SIN3A: variants seen among roughly 807,000 people sequenced by gnomAD.
The protein encoded by SIN3A is paired amphipathic helix protein Sin3a.
SIN3A carries 14 observed loss-of-function variants against 146.1 expected under a neutral mutation model. The observed-to-expected ratio is 0.10, with a 90% confidence interval of 0.06 to 0.15. SIN3A has a LOEUF of 0.15. SIN3A is among the 10% of genes least tolerant of loss of function. SIN3A has a pLI of 1.00. For synonymous variants in SIN3A, 572 were observed against 572.0 expected, an observed-to-expected ratio of 1.00 and a Z score of 0.00; for missense variants, 1,028 against 1,576.0, an observed-to-expected ratio of 0.65 and a Z score of 5.89.
chr15:75,412,029 T>C (rs1420414897), intron 5 of SIN3A, among the ~76,000 whole-genome samples: 2 of 152,258 alleles, frequency 1.3e-5, no homozygotes, highest in Non-Finnish European at 2.9e-5. Flanking sequence ...TTTAGCTTAG[T>C]AGCTCAACAA....
intron 6 of SIN3A, among the ~76,000 whole-genome samples, 169 bp from the exon 7 acceptor site, chr15:75,410,455 T>G (rs776495394): frequency 1.3e-5 from 2 of 151,760 alleles, no homozygotes; most frequent in Non-Finnish European, 2.9e-5. Context: ...AAAAAAAAAG[T>G]TGAAGATGGT....
rs1446694377 is a variant in SIN3A at position 75,371,502 on chromosome 15, T to A, written c.*477A>T. ...CAGAAAAAAAAAATCAAATCCAGCT[T>A]TTTTTTCCTTTTGTGGGGAGGGGAG... On this transcript the variant is annotated 3_prime_UTR_variant, in exon 21 of 21. Transcript: ENST00000394947. 6.5e-6 allele frequency: 1 copy of A among 154,660 alleles called. No homozygotes were observed. Among genetic ancestry groups the A allele is most frequent in the Admixed American group, 6.5e-5 (1 of 15,350 alleles). The allele number at this position is 154,660 out of a possible 1,614,324, so 9.6% of individuals were successfully genotyped here.
chr15:75,379,297 G>C (rs898651000), intron 19 of SIN3A, among the ~76,000 whole-genome samples: 1 of 152,120 alleles, frequency 6.6e-6, no homozygotes, highest in African/African-American at 2.4e-5. Flanking sequence ...ATAAACAAAA[G>C]CTTTTTGGAG....
Position 75,446,882 on chromosome 15 carries a change from C to T in SIN3A, c.-34+4541G>A, listed in dbSNP as rs577038611. On this transcript the variant is annotated intron_variant, in intron 1 of 20. Coordinates refer to ENST00000394947, the MANE Select transcript of SIN3A (RefSeq NM_001145358.2). The stretch of plus-strand genomic sequence containing the variant: ...CACCTCCCGGGTTCACACCATTCTC[C>T]TGCCTCAACCTCCCGAGTAGCTGGG... Among the ~76,000 whole-genome samples, 6 of 152,298 alleles carry T rather than the reference C, an allele frequency of 3.9e-5. No homozygotes were observed. The South Asian group carries it at 1.0e-3, about 26-fold the overall frequency.
At position 75,407,051 on chromosome 15, in the gene SIN3A, T is replaced by C. The variant is rs1303687232; in HGVS notation, c.1407+4A>G. ...CTATCAAATCTAACTCATCCATTACTCACCTTATCAAAAAATAACGATTCT... is the reference window on the plus strand; with the variant it reads ...CTATCAAATCTAACTCATCCATTACCCACCTTATCAAAAAATAACGATTCT... On this transcript the variant is annotated splice_donor_region_variant and intron_variant, in intron 9 of 20. Transcript: ENST00000394947. 9 of 1,594,276 alleles carry C rather than the reference T, an allele frequency of 5.6e-6. No individual in the cohort carries two copies. In the Middle Eastern group the frequency reaches 5.0e-4, roughly 89 times the overall value.
rs1303102733 is a variant in SIN3A at position 75,430,353 on chromosome 15, T to A, written c.23A>T (p.Gln8Leu). MKRRLDD[Q>L]ESPVYAAQQR... ...CTGGGCTGCATACACCGGTGACTCC[T>A]GGTCATCCAAACGCCGCTTCATTCT... is the stretch of plus-strand genomic sequence containing the variant. The change falls in exon 2 of 21, where the codon CAG becomes CTG. Residue 8 changes from glutamine to leucine, a missense_variant. Transcript: ENST00000394947. The A allele has an allele frequency of 3.1e-6, 5 of 1,612,448 alleles. No individual in the cohort carries two copies. The South Asian group carries it at 5.5e-5, about 18-fold the overall frequency.
At chr15:75,395,000 T>C (rs2073276569) in intron 13 of SIN3A, 137 bp from the exon 14 acceptor site, 2 of 699,838 alleles carry the variant, frequency 2.9e-6, no homozygotes, top group Admixed American at 5.8e-5. Context: ...CAACTTGGGA[T>C]GCTATCAAAC....
chr15:75,409,779 C>A, intron 8 of SIN3A, 57 bp downstream of exon 8: 2 of 1,555,338 alleles, frequency 1.3e-6, no homozygotes, highest in Non-Finnish European at 1.8e-6. Flanking sequence ...CTCTAGAGTA[C>A]CTCTCCATTA....
chr15:75,374,807 T>C (rs956799572), intron 20 of SIN3A, among the ~76,000 whole-genome samples: 6 of 152,224 alleles, frequency 3.9e-5, no homozygotes, highest in African/African-American at 1.4e-4. Flanking sequence ...TCACCTCCTT[T>C]GAGAAGCCTC....
intron 16 of SIN3A, among the ~76,000 whole-genome samples, chr15:75,387,502 A>G (rs1459449726): frequency 3.2e-4 from 8 of 24,674 alleles, no homozygotes; most frequent in South Asian, 1.7e-3. Flanking sequence ...CCTGGGTTGG[A>G]AAAAAAAAAA....
intron 18 of SIN3A, 143 bp from the exon 19 acceptor site, chr15:75,380,866 T>C (rs2072951372): frequency 1.6e-6 from 1 of 625,744 alleles, no homozygotes; most frequent in Non-Finnish European, 2.9e-6. Context: ...TATAAAGACA[T>C]GATTGTTAGT....
chr15:75,441,994 C>T (rs1407767220), intron 1 of SIN3A, among the ~76,000 whole-genome samples: 5 of 151,498 alleles, frequency 3.3e-5, no homozygotes, highest in Non-Finnish European at 7.4e-5. Flanking sequence ...GTGGCACGCA[C>T]CCGTAGTCCC....
At chr15:75,440,398 A>AT (rs1410504577) in intron 1 of SIN3A, among the ~76,000 whole-genome samples, 1 of 151,608 alleles carries the variant, frequency 6.6e-6, no homozygotes, top group African/African-American at 2.4e-5. Context: ...CACCTGGCTA[A>AT]TTTTTGTATT....
At chr15:75,373,217 T>C (rs1265739492) in intron 20 of SIN3A, among the ~76,000 whole-genome samples, 2 of 151,868 alleles carry the variant, frequency 1.3e-5, no homozygotes, top group South Asian at 2.1e-4. Context: ...ACACAACACA[T>C]AGCAAAAAAA....
At chr15:75,395,191 T>C (rs2073279651) in intron 13 of SIN3A, among the ~76,000 whole-genome samples, 1 of 152,198 alleles carries the variant, frequency 6.6e-6, no homozygotes, top group Non-Finnish European at 1.5e-5. Flanking sequence ...CTATAGGACT[T>C]TGCAAAACGT....
Position 75,400,168 on chromosome 15 carries a change from A to T in SIN3A, c.1738-12T>A. 7 of 1,458,428 alleles carry T rather than the reference A, an allele frequency of 4.8e-6. No homozygotes were observed. The highest frequency in any genetic ancestry group is 6.7e-6 in the Non-Finnish European group (7 of 1,045,428). The allele number at this position is 1,458,428 out of a possible 1,614,324, so 90.3% of individuals were successfully genotyped here. The stretch of plus-strand genomic sequence containing the variant: ...GTATCATTTAAAACCTTTGGGTAGA[A>T]GAAGAGAGACTGAAACAAAAGCCTA... On this transcript the variant is annotated splice_polypyrimidine_tract_variant and intron_variant, in intron 11 of 20. Coordinates refer to ENST00000394947, the MANE Select transcript of SIN3A (RefSeq NM_001145358.2).
At chr15:75,448,192 AG>A in intron 1 of SIN3A, 1 of 151,944 alleles carries the variant, frequency 6.6e-6, no homozygotes, top group Non-Finnish European at 1.4e-5. Flanking sequence ...AAAAAAAAAA[AG>A]ACATGAGAAA....
upstream of SIN3A, among the ~76,000 whole-genome samples, chr15:75,454,134 C>G (rs2074452907): frequency 6.6e-6 from 1 of 151,192 alleles, no homozygotes. Context: ...CTCACGTCAT[C>G]CGCAAGAACC....
At chr15:75,435,321 A>C (rs751935564) in intron 1 of SIN3A, among the ~76,000 whole-genome samples, 3 of 152,218 alleles carry the variant, frequency 2.0e-5, no homozygotes, top group Non-Finnish European at 4.4e-5. Flanking sequence ...GATCATGCAT[A>C]TTATGGAAAA....
Sources: gnomAD v4.1 joint callset for allele counts (sites outside exome capture counted in the v4.1 genomes callset) on GRCh38, gnomAD v4.1.1 for gene constraint, MANE v1.5 for transcripts, NCBI Gene and HGNC (gene_info 2026-07-23, HGNC 2026-07-21) for gene names.